Variants in HECW2 observed in about 807,000 individuals in gnomAD.
HECW2 encodes the protein E3 ubiquitin-protein ligase HECW2.
Under a neutral mutation model 175.2 loss-of-function variants are expected in HECW2, and 61 were observed. The ratio of observed to expected loss-of-function variants is 0.35; its 90% CI spans 0.28 to 0.43. HECW2 has a LOEUF of 0.43. Among genes scored for constraint, HECW2 ranks in the 20% least tolerant of loss-of-function variants. The probability of loss-of-function intolerance (pLI) is 1.00; values close to 1 mark genes in which losing one functional copy is unlikely to be tolerated. For synonymous variants in HECW2, 671 were observed against 731.0 expected, an observed-to-expected ratio of 0.92 and a Z score of 1.32; for missense variants, 1,524 against 2,000.5, an observed-to-expected ratio of 0.76 and a Z score of 4.54.
At chr2:196,332,327 T>C (rs1692394448) in intron 4 of HECW2, among the ~76,000 whole-genome samples, 1 of 152,196 alleles carries the variant, frequency 6.6e-6, no homozygotes, top group South Asian at 2.1e-4. Context: ...ACCATCATGC[T>C]ATTATAGAAA....
At chr2:196,295,754 C>G (rs1429671556) in intron 13 of HECW2, among the ~76,000 whole-genome samples, 1 of 152,138 alleles carries the variant, frequency 6.6e-6, no homozygotes, top group African/African-American at 2.4e-5. Flanking sequence ...GAAACTCATC[C>G]CAGCCTCAGA....
chr2:196,311,315 C>A (rs945709576), intron 10 of HECW2, among the ~76,000 whole-genome samples: 1 of 152,128 alleles, frequency 6.6e-6, no homozygotes, highest in Non-Finnish European at 1.5e-5. Context: ...CAGAATCAGA[C>A]TATCTGAAGC....
intron 14 of HECW2, among the ~76,000 whole-genome samples, chr2:196,282,853 C>T (rs557521609): frequency 6.6e-6 from 1 of 152,210 alleles, no homozygotes; most frequent in East Asian, 1.9e-4. Flanking sequence ...CCTGAACTAG[C>T]TTTTTTAGGT....
intron 17 of HECW2, among the ~76,000 whole-genome samples, chr2:196,258,730 A>G (rs549991992): frequency 4.5e-4 from 68 of 152,180 alleles, no homozygotes; most frequent in Non-Finnish European, 9.4e-4. Flanking sequence ...ACACCATATT[A>G]ACTTTTATAA....
chr2:196,391,378 C>G (rs2125182638), intron 2 of HECW2, among the ~76,000 whole-genome samples: 1 of 152,258 alleles, frequency 6.6e-6, no homozygotes, highest in South Asian at 2.1e-4. Flanking sequence ...CACAAATGAT[C>G]TAAGTTGAGA....
At chr2:196,441,957 T>G (rs1309411008) in intron 1 of HECW2, among the ~76,000 whole-genome samples, 2 of 152,094 alleles carry the variant, frequency 1.3e-5, no homozygotes, top group Non-Finnish European at 2.9e-5. Context: ...AAAATTTTAC[T>G]AAAGAATATG....
chr2:196,268,020 C>G (rs1689581706), intron 17 of HECW2, among the ~76,000 whole-genome samples: 1 of 152,124 alleles, frequency 6.6e-6, no homozygotes, highest in African/African-American at 2.4e-5. Flanking sequence ...AATCTGTTAT[C>G]AAAAATATCA....
rs569598390 is a variant in HECW2, at chr2:196,354,882, TA to T, written c.293-11119del. On this transcript the variant is annotated intron_variant, in intron 2 of 28. Coordinates refer to ENST00000644978, the MANE Select transcript of HECW2 (RefSeq NM_001348768.2). Reference sequence around the variant, plus strand: ...CACAAAAAAGATTAAGAGGCTTACCTAAGATCACATAACCAGTTTCGAGTAA... The same window carrying T: ...CACAAAAAAGATTAAGAGGCTTACCTAGATCACATAACCAGTTTCGAGTAA... 3.1e-4 allele frequency among the ~76,000 whole-genome samples: 47 copies of T among 152,350 alleles called. No individual in the cohort carries two copies. In the South Asian group the frequency reaches 9.5e-3, roughly 31 times the overall value.
intron 20 of HECW2, among the ~76,000 whole-genome samples, chr2:196,241,334 C>T (rs1029490100): frequency 4.6e-5 from 7 of 152,110 alleles, no homozygotes; most frequent in African/African-American, 1.7e-4. Context: ...TTTTTTAGGG[C>T]AATGAAGGTG....
intron 10 of HECW2, among the ~76,000 whole-genome samples, chr2:196,314,476 T>C (rs1415469977): frequency 1.3e-5 from 2 of 152,226 alleles, no homozygotes; most frequent in Non-Finnish European, 2.9e-5. Context: ...CAGATCAGAA[T>C]ACCTGATAGA....
chr2:196,474,596 C>T (rs78165767), intron 1 of HECW2, among the ~76,000 whole-genome samples: 1,856 of 152,318 alleles, frequency 0.012, 27 homozygotes, highest in African/African-American at 0.027. Flanking sequence ...TAGACACAGA[C>T]ATCTATTTTG....
At chr2:196,210,113 A>G (rs555709840) in intron 28 of HECW2, among the ~76,000 whole-genome samples, 2 of 152,246 alleles carry the variant, frequency 1.3e-5, no homozygotes, top group East Asian at 1.9e-4. Context: ...GGACTTGGTT[A>G]TTTTCCGGTA....
At chr2:196,410,489 A>G (rs71422615) in intron 2 of HECW2, among the ~76,000 whole-genome samples, 4,551 of 152,280 alleles carry the variant, frequency 0.03, 120 homozygotes, top group South Asian at 0.1. Context: ...ATCTTTAGAG[A>G]CTAAAACAAA....
At chr2:196,209,529 AG>A (rs1174270253) in intron 28 of HECW2, among the ~76,000 whole-genome samples, 3 of 152,208 alleles carry the variant, frequency 2.0e-5, no homozygotes, top group Non-Finnish European at 4.4e-5. Flanking sequence ...GAGAGGGCAG[AG>A]GGGAAAGGAG....
intron 1 of HECW2, among the ~76,000 whole-genome samples, chr2:196,561,648 T>C (rs1326243126): frequency 6.6e-6 from 1 of 152,198 alleles, no homozygotes; most frequent in South Asian, 2.1e-4. Flanking sequence ...TTCCCTTTAT[T>C]TCTCAGACCG....
At chr2:196,233,225 G>A (rs79627052) in intron 21 of HECW2, among the ~76,000 whole-genome samples, 3,922 of 152,178 alleles carry the variant, frequency 0.026, 69 homozygotes, top group Middle Eastern at 0.061. Context: ...CTGGACGACG[G>A]GTGTGTAGCC....
chr2:196,455,874 T>C (rs1696494511), intron 1 of HECW2, among the ~76,000 whole-genome samples: 1 of 149,566 alleles, frequency 6.7e-6, no homozygotes, highest in Non-Finnish European at 1.5e-5. Flanking sequence ...ATAATATATA[T>C]GATATAAATA....
chr2:196,585,741 C>T (rs1039422978), intron 1 of HECW2, among the ~76,000 whole-genome samples: 8 of 152,018 alleles, frequency 5.3e-5, no homozygotes, highest in Admixed American at 2.0e-4. Context: ...GGGGCCTATA[C>T]GGAGGGTATC....
chr2:196,413,537 G>T (rs1044308791), intron 2 of HECW2, among the ~76,000 whole-genome samples: 1 of 152,008 alleles, frequency 6.6e-6, no homozygotes, highest in Non-Finnish European at 1.5e-5. Flanking sequence ...GTACAGACAG[G>T]GTTTCAAATG....
Sources: allele counts gnomAD v4.1 joint callset (sites outside exome capture counted in the v4.1 genomes callset), GRCh38; gene constraint gnomAD v4.1.1; transcripts MANE v1.5; gene names NCBI Gene and HGNC (gene_info 2026-07-23, HGNC 2026-07-21).